Variants in INPP4B observed in about 807,000 individuals in gnomAD.
INPP4B encodes inositol polyphosphate-4-phosphatase type II B.
A neutral mutation model predicts 122.5 loss-of-function variants in INPP4B; 55 were observed. The observed-to-expected ratio is 0.45, with a 90% CI of 0.36 to 0.56. INPP4B has a LOEUF of 0.56. Ranked by LOEUF, INPP4B falls within the 20% of genes least tolerant of loss-of-function variation. The pLI is 0.00. For synonymous variants in INPP4B, 403 were observed against 388.7 expected, an observed-to-expected ratio of 1.04 and a Z score of -0.43; for missense variants, 1,000 against 1,097.7, an observed-to-expected ratio of 0.91 and a Z score of 1.26.
intron 14 of INPP4B, among the ~76,000 whole-genome samples, chr4:142,195,385 T>A (rs1837731509): frequency 6.6e-6 from 1 of 152,172 alleles, no homozygotes; most frequent in Non-Finnish European, 1.5e-5. Context: ...TTAATAACAC[T>A]GTATTATTTA....
intron 1 of INPP4B, among the ~76,000 whole-genome samples, chr4:142,736,268 A>C (rs570353764): frequency 6.6e-6 from 1 of 152,214 alleles, no homozygotes; most frequent in African/African-American, 2.4e-5. Flanking sequence ...GGGCTTTCTT[A>C]ATTCTTCCTT....
intron 17 of INPP4B, among the ~76,000 whole-genome samples, chr4:142,155,748 A>C (rs1816829352): frequency 6.6e-6 from 1 of 151,984 alleles, no homozygotes. Context: ...AACTGTATAA[A>C]ATTTGTAAGG....
chr4:142,403,019 T>G lies in INPP4B; in HGVS notation c.291A>C (p.Thr97=). 3 of 1,611,274 alleles carry G rather than the reference T, an allele frequency of 1.9e-6. No individual in the cohort carries two copies. The highest frequency in any genetic ancestry group is 1.7e-6 in the Non-Finnish European group (2 of 1,177,388). ...TRDPLFLTGV[T]FPSEYPIYEE... The stretch of plus-strand genomic sequence containing the variant: ...CATAGATGGGATACTCAGATGGGAA[T>G]GTGACACCAGTCAAAAACAGTGGGT... Residue 97 remains threonine (T), a synonymous_variant, in exon 7 of 26, where the codon ACA becomes ACC. Transcript: ENST00000262992.
chr4:142,779,384 A>C (rs1001396895), intron 1 of INPP4B, among the ~76,000 whole-genome samples: 1 of 152,148 alleles, frequency 6.6e-6, no homozygotes, highest in Non-Finnish European at 1.5e-5. Flanking sequence ...GCCCCTTCAC[A>C]TGATTTGGAG....
At chr4:142,591,217 C>T (rs983135072) in intron 2 of INPP4B, among the ~76,000 whole-genome samples, 7 of 151,698 alleles carry the variant, frequency 4.6e-5, no homozygotes, top group African/African-American at 7.3e-5. Flanking sequence ...GCTGAGAAGT[C>T]GAGGTTGCAG....
At chr4:142,219,286 C>T (rs966198941) in intron 12 of INPP4B, among the ~76,000 whole-genome samples, 2 of 152,122 alleles carry the variant, frequency 1.3e-5, no homozygotes, top group Admixed American at 1.3e-4. Flanking sequence ...ATCTGATAAA[C>T]AGCCAGATTC....
At chr4:142,259,630 A>C (rs1005947117) in intron 11 of INPP4B, among the ~76,000 whole-genome samples, 1 of 151,674 alleles carries the variant, frequency 6.6e-6, no homozygotes, top group African/African-American at 2.4e-5. Context: ...GGATTACTAT[A>C]ACTTTTTTAC....
chr4:142,366,464 T>G (rs1259966517), intron 7 of INPP4B, among the ~76,000 whole-genome samples: 1 of 151,966 alleles, frequency 6.6e-6, no homozygotes, highest in African/African-American at 2.4e-5. Flanking sequence ...ACGCATTGAG[T>G]TTTAGCATAA....
Position 142,024,493 on chromosome 4 carries a change from T to A in INPP4B, c.*4289A>T, listed in dbSNP as rs554183328. 2.0e-5 allele frequency: 3 copies of A among 152,306 alleles called. No homozygotes were observed. Among genetic ancestry groups the A allele is most frequent in the Non-Finnish European group, 2.9e-5 (2 of 68,020 alleles). The allele number at this position is 152,306 out of a possible 1,614,324, so 9.4% of individuals were successfully genotyped here. ...CTGTAACTGATGATCACAGTTTTTT[T>A]AGACAAGTTTCCTAAATCTGTGATA... On this transcript the variant is annotated 3_prime_UTR_variant, in exon 26 of 26. Transcript: ENST00000262992.
chr4:142,453,463 T>C (rs2149525234), intron 3 of INPP4B, among the ~76,000 whole-genome samples: 1 of 152,278 alleles, frequency 6.6e-6, no homozygotes, highest in Middle Eastern at 3.4e-3. Context: ...TATTTTGAAA[T>C]TTAACATTTC....
chr4:142,099,613 C>A (rs1197606416), intron 23 of INPP4B, among the ~76,000 whole-genome samples: 2 of 152,060 alleles, frequency 1.3e-5, no homozygotes, highest in African/African-American at 4.8e-5. Context: ...CTTATGTCTT[C>A]AAGTTTATTA....
At position 142,324,884 on chromosome 4, in the gene INPP4B, G is replaced by A. The variant is rs186070620; in HGVS notation, c.373-10122C>T. 4.2e-3 allele frequency among the ~76,000 whole-genome samples: 645 copies of A among 152,190 alleles called. 8 individuals carry two copies. The highest frequency in any genetic ancestry group is 0.014 in the African/African-American group (597 of 41,526). ...TGGCCACTTACTTGAGGCCCCTGAA[G>A]TCTCCATTTCTCACTTCATCCAATA... is the stretch of plus-strand genomic sequence containing the variant. On this transcript the variant is annotated intron_variant, in intron 7 of 25. Transcript: ENST00000262992.
chr4:142,662,373 T>A (rs1755358119), intron 2 of INPP4B, among the ~76,000 whole-genome samples: 1 of 152,212 alleles, frequency 6.6e-6, no homozygotes, highest in Non-Finnish European at 1.5e-5. Flanking sequence ...GAGCATCACC[T>A]ATATTACCTT....
At chr4:142,091,099 G>A (rs140507833) in intron 23 of INPP4B, among the ~76,000 whole-genome samples, 2 of 152,266 alleles carry the variant, frequency 1.3e-5, no homozygotes, top group Admixed American at 1.3e-4. Flanking sequence ...ATTAAGGGTG[G>A]TAACCTGGAG....
chr4:142,576,541 A>G (rs1386500016), intron 2 of INPP4B, among the ~76,000 whole-genome samples: 1 of 151,994 alleles, frequency 6.6e-6, no homozygotes, highest in African/African-American at 2.4e-5. Flanking sequence ...AATTGGAGAT[A>G]ATAATTACAG....
chr4:142,281,823 C>G (rs1375638004), intron 9 of INPP4B, among the ~76,000 whole-genome samples: 1 of 151,952 alleles, frequency 6.6e-6, no homozygotes, highest in Admixed American at 6.6e-5. Context: ...TTATAAAATC[C>G]TGTGATTTTT....
intron 1 of INPP4B, among the ~76,000 whole-genome samples, chr4:142,778,641 G>A (rs1774302985): frequency 6.6e-6 from 1 of 152,068 alleles, no homozygotes; most frequent in Non-Finnish European, 1.5e-5. Context: ...AGCTGAGTGT[G>A]TCTTGGGGGT....
At chr4:142,116,373 CA>C (rs1445802243) in intron 21 of INPP4B, among the ~76,000 whole-genome samples, 2 of 152,136 alleles carry the variant, frequency 1.3e-5, no homozygotes, top group Non-Finnish European at 1.5e-5. Flanking sequence ...TTCTCAGCAC[CA>C]CATCACACTT....
intron 2 of INPP4B, among the ~76,000 whole-genome samples, chr4:142,654,226 T>C (rs1292047802): frequency 6.6e-6 from 1 of 151,852 alleles, no homozygotes; most frequent in Non-Finnish European, 1.5e-5. Context: ...TGTTAGTGGG[T>C]AGGGGGCTCG....
Sources: allele counts gnomAD v4.1 joint callset (sites outside exome capture counted in the v4.1 genomes callset), GRCh38; gene constraint gnomAD v4.1.1; transcripts MANE v1.5; gene names NCBI Gene and HGNC (gene_info 2026-07-23, HGNC 2026-07-21).